RUFY3: variants seen among roughly 807,000 people sequenced by gnomAD.
RUFY3 encodes RUN and FYVE domain containing 3, also known as protein RUFY3.
A neutral mutation model predicts 84.0 loss-of-function variants in RUFY3; 34 were observed. The observed-to-expected ratio is 0.40, with a 90% CI of 0.31 to 0.54. The LOEUF is 0.54. Among genes scored for constraint, RUFY3 ranks in the 20% least tolerant of loss-of-function variants. The probability of loss-of-function intolerance (pLI) is 0.39; values close to 1 mark genes in which losing one functional copy is unlikely to be tolerated. For synonymous variants in RUFY3, 242 were observed against 252.9 expected (o/e 0.96, Z 0.41); for missense variants, 507 against 736.8 (o/e 0.69, Z 3.61).
intron 10 of RUFY3, among the ~76,000 whole-genome samples, chr4:70,786,781 A>G (rs1461521874): frequency 6.6e-6 from 1 of 152,096 alleles, no homozygotes; most frequent in Non-Finnish European, 1.5e-5. Flanking sequence ...GTATTCACAT[A>G]CTAACTCTTC....
upstream of RUFY3, among the ~76,000 whole-genome samples, chr4:70,720,972 TGG>T (rs768378741): frequency 4.0e-5 from 6 of 151,172 alleles, no homozygotes; most frequent in Middle Eastern, 3.4e-3. Context: ...TCTTATCGAA[TGG>T]GAGGATTTTA....
At chr4:70,775,747 A>G (rs1727833770) in intron 7 of RUFY3, among the ~76,000 whole-genome samples, 1 of 151,960 alleles carries the variant, frequency 6.6e-6, no homozygotes, top group Non-Finnish European at 1.5e-5. Context: ...GGAGTTCAAG[A>G]TGAGCTAGGG....
At chr4:70,743,884 T>C (rs1721724556) in intron 1 of RUFY3, among the ~76,000 whole-genome samples, 1 of 152,238 alleles carries the variant, frequency 6.6e-6, no homozygotes, top group African/African-American at 2.4e-5. Context: ...CTTCTCTGCT[T>C]TTCTTGCCTC....
chr4:70,796,314 C>G (rs1054919253), intron 14 of RUFY3, among the ~76,000 whole-genome samples: 1 of 152,230 alleles, frequency 6.6e-6, no homozygotes, highest in African/African-American at 2.4e-5. Context: ...GTTGCCATGA[C>G]CTTTGCTTTT....
intron 1 of RUFY3, among the ~76,000 whole-genome samples, chr4:70,733,166 G>GAAAGAAAGAAAGAA (rs1560464488): frequency 2.5e-4 from 33 of 133,822 alleles, no homozygotes; most frequent in Middle Eastern, 4.0e-3. Flanking sequence ...GAGAGAGAGA[G>GAAAGAAAGAAAGAA]AAAGAAAGAA....
upstream of RUFY3, among the ~76,000 whole-genome samples, chr4:70,720,415 C>G (rs1008600451): frequency 6.6e-6 from 1 of 152,158 alleles, no homozygotes; most frequent in Admixed American, 6.5e-5. Flanking sequence ...AACTCCTGAC[C>G]TCAGGTGATT....
upstream of RUFY3, among the ~76,000 whole-genome samples, chr4:70,720,111 G>C (rs1431517236): frequency 6.6e-6 from 1 of 151,178 alleles, no homozygotes; most frequent in Non-Finnish European, 1.5e-5. Context: ...GAGTGCAGTG[G>C]TATGATCTCG....
At chr4:70,796,831 A>C (rs956725399) in intron 14 of RUFY3, among the ~76,000 whole-genome samples, 1 of 152,046 alleles carries the variant, frequency 6.6e-6, no homozygotes, top group African/African-American at 2.4e-5. Context: ...AAGCATCAAT[A>C]ATTTCACAAT....
intron 1 of RUFY3, among the ~76,000 whole-genome samples, chr4:70,745,319 T>A (rs1488200227): frequency 6.6e-6 from 1 of 152,188 alleles, no homozygotes; most frequent in Non-Finnish European, 1.5e-5. Flanking sequence ...ATATGAAGTG[T>A]CTTCTTAGGG....
At chr4:70,708,545 C>T (rs553977435) in intron 1 of RUFY3, among the ~76,000 whole-genome samples, 1 of 152,314 alleles carries the variant, frequency 6.6e-6, no homozygotes, top group Non-Finnish European at 1.5e-5. Flanking sequence ...CGATGACTGG[C>T]ATCTGCCTCT....
intron 1 of RUFY3, among the ~76,000 whole-genome samples, chr4:70,753,986 T>A (rs977518546): frequency 3.3e-5 from 5 of 152,186 alleles, no homozygotes; most frequent in Non-Finnish European, 7.3e-5. Flanking sequence ...CTCAGTGAAG[T>A]TCATCATTGA....
chr4:70,732,950 C>T (rs1719540145), intron 1 of RUFY3, among the ~76,000 whole-genome samples: 1 of 151,718 alleles, frequency 6.6e-6, no homozygotes, highest in South Asian at 2.1e-4. Flanking sequence ...GCCTGTAATC[C>T]CAGCTATGTG....
intron 14 of RUFY3, 54 bp downstream of exon 14, chr4:70,794,948 G>C: frequency 8.2e-7 from 1 of 1,212,470 alleles, no homozygotes; most frequent in Non-Finnish European, 1.2e-6. Flanking sequence ...AAATTTTAGA[G>C]GCTACCTTGA....
chr4:70,803,945 G>T (rs1258465322), intron 16 of RUFY3, among the ~76,000 whole-genome samples: 1 of 151,332 alleles, frequency 6.6e-6, no homozygotes, highest in Non-Finnish European at 1.5e-5. Flanking sequence ...ATGTTGGCCA[G>T]GCTGGTCTTG....
intron 1 of RUFY3, among the ~76,000 whole-genome samples, chr4:70,748,688 G>A (rs1315891610): frequency 6.6e-6 from 1 of 152,158 alleles, no homozygotes; most frequent in Non-Finnish European, 1.5e-5. Flanking sequence ...TCTTGGACCA[G>A]AGTCCCATGG....
At chr4:70,732,338 C>G (rs1427136134) in intron 1 of RUFY3, among the ~76,000 whole-genome samples, 1 of 152,236 alleles carries the variant, frequency 6.6e-6, no homozygotes, top group Non-Finnish European at 1.5e-5. Context: ...CCCCATGGTA[C>G]TGTGTACTAT....
chr4:70,746,766 A>T (rs1250077779), intron 1 of RUFY3, among the ~76,000 whole-genome samples: 1 of 152,216 alleles, frequency 6.6e-6, no homozygotes, highest in Non-Finnish European at 1.5e-5. Context: ...TTCTTCGGAG[A>T]ATTATGCTGA....
intron 5 of RUFY3, among the ~76,000 whole-genome samples, chr4:70,771,526 A>G (rs769525450): frequency 3.9e-5 from 6 of 152,080 alleles, no homozygotes; most frequent in Non-Finnish European, 8.8e-5. Context: ...AAATAGTTAT[A>G]TTTATATTTA....
rs111231754 is a variant in RUFY3 at position 70,788,099 on chromosome 4, C to T, written c.1072-707C>T. On this transcript the variant is annotated intron_variant, in intron 10 of 17. Coordinates refer to ENST00000381006, the MANE Select transcript of RUFY3 (RefSeq NM_001037442.4). ...CAGGAATTCACACCAGCCTGGTCAA[C>T]ATGGTGAAACCCCGTCTCTACTAAA... 5.7e-3 allele frequency among the ~76,000 whole-genome samples: 864 copies of T among 151,946 alleles called. 14 individuals carry two copies. The highest frequency in any genetic ancestry group is 0.02 in the African/African-American group (837 of 41,424).
Sources: allele counts gnomAD v4.1 joint callset (sites outside exome capture counted in the v4.1 genomes callset), GRCh38; gene constraint gnomAD v4.1.1; transcripts MANE v1.5; gene names NCBI Gene and HGNC (gene_info 2026-07-23, HGNC 2026-07-21).